The following STAT1 variants were observed in gnomAD, a reference collection of about 807,000 sequenced individuals.
The protein encoded by STAT1 is signal transducer and activator of transcription 1, also known as signal transducer and activator of transcription 1-alpha/beta.
Under a neutral mutation model 111.7 loss-of-function variants are expected in STAT1, and 24 were observed. The ratio of observed to expected loss-of-function variants is 0.21; its 90% CI spans 0.16 to 0.30. The LOEUF (loss-of-function observed/expected upper bound fraction) is 0.30, where lower values mean the gene tolerates loss of function less well. Among genes scored for constraint, STAT1 ranks in the 10% least tolerant of loss-of-function variants. The probability of loss-of-function intolerance (pLI) is 1.00; values close to 1 mark genes in which losing one functional copy is unlikely to be tolerated. For synonymous variants in STAT1, 332 were observed against 326.5 expected, an observed-to-expected ratio of 1.02 and a Z score of -0.18; for missense variants, 351 against 911.9, an observed-to-expected ratio of 0.38 and a Z score of 7.92.
Position 190,979,550 on chromosome 2 carries a change from T to C in STAT1, c.1727+222A>G, listed in dbSNP as rs1488248089. Among the ~76,000 whole-genome samples the C allele has an allele frequency of 6.6e-6, 1 of 152,204 alleles. No individual in the cohort carries two copies. Among genetic ancestry groups the C allele is most frequent in the Admixed American group, 6.5e-5 (1 of 15,288 alleles). On this transcript the variant is annotated intron_variant, in intron 20 of 24. Coordinates refer to ENST00000361099, the MANE Select transcript of STAT1 (RefSeq NM_007315.4). The surrounding 1 kb of genome is among the most constrained non-coding windows in gnomAD (Gnocchi z 5.8). Reference sequence around the variant, plus strand: ...GAATGGCACTCAAGAGTTGTTTTTTTTTTTTAATTTAGCTTTGCCAATACA... The same window carrying C: ...GAATGGCACTCAAGAGTTGTTTTTTCTTTTTAATTTAGCTTTGCCAATACA...
rs1574645463 is a variant in STAT1 at position 190,983,814 on chromosome 2, C to T, written c.1348-74G>A. On this transcript the variant is annotated intron_variant, in intron 16 of 24. Coordinates refer to ENST00000361099, the MANE Select transcript of STAT1 (RefSeq NM_007315.4). The surrounding 1 kb of genome is among the most constrained non-coding windows in gnomAD (Gnocchi z 5.7). ...CCTTCAGATAACTGCTTAGCCTCAA[C>T]TAAAAGCAGGGGATTATTTGTAAAT... 3.2e-6 allele frequency: 4 copies of T among 1,238,606 alleles called. No individual in the cohort carries two copies. Among genetic ancestry groups the T allele is most frequent in the South Asian group, 1.2e-5 (1 of 83,290 alleles). 76.7% of individuals were successfully genotyped at this position (1,238,606 alleles called of 1,614,324 possible).
In STAT1 at chr2:190,999,550, AGT is replaced by A; in HGVS notation, c.541+74_541+75del. ...ATAAAATACTCGGCAAATAGAAAGGAGTAATCATCTTCGTTATCTAGTGTGAA... is the reference window on the plus strand; with the variant it reads ...ATAAAATACTCGGCAAATAGAAAGGAAATCATCTTCGTTATCTAGTGTGAA... On this transcript the variant is annotated intron_variant, in intron 7 of 24. Transcript: ENST00000361099. This position sits in a 1 kb window ranked among gnomAD's most constrained non-coding sequence, Gnocchi z 4.1. 2.1e-6 allele frequency: 2 copies of A among 972,464 alleles called. No homozygotes were observed. The highest frequency in any genetic ancestry group is 3.5e-5 in the Admixed American group (2 of 57,328). The allele number at this position is 972,464 out of a possible 1,614,324, so 60.2% of individuals were successfully genotyped here. A position where few individuals can be genotyped will look rare whatever the true frequency, so the allele number is the denominator to read the frequency against.
At position 190,970,593 on chromosome 2, in the gene STAT1, C is replaced by A. The variant is rs1691378212; in HGVS notation, c.*110G>T. ...CAACAGGTTGCAGCGAATTTGCTGGCCTTTCTTTCATTTCCCTAGAAACAC... is the reference window on the plus strand; with the variant it reads ...CAACAGGTTGCAGCGAATTTGCTGGACTTTCTTTCATTTCCCTAGAAACAC... On this transcript the variant is annotated 3_prime_UTR_variant, in exon 25 of 25. Transcript: ENST00000361099. The surrounding 1 kb of genome is among the most constrained non-coding windows in gnomAD (Gnocchi z 5.4). The A allele has an allele frequency of 1.5e-6, 2 of 1,296,232 alleles. No individual in the cohort carries two copies. The highest frequency in any genetic ancestry group is 2.3e-5 in the East Asian group (1 of 42,742). The allele number at this position is 1,296,232 out of a possible 1,614,324, so 80.3% of individuals were successfully genotyped here. A position where few individuals can be genotyped will look rare whatever the true frequency, so the allele number is the denominator to read the frequency against.
chr2:190,990,132 G>C lies in STAT1; in HGVS notation c.1038-458C>G, dbSNP rs1693202027. Among the ~76,000 whole-genome samples the C allele has an allele frequency of 6.6e-6, 1 of 152,178 alleles. No homozygotes were observed. Among genetic ancestry groups the C allele is most frequent in the Non-Finnish European group, 1.5e-5 (1 of 68,026 alleles). On this transcript the variant is annotated intron_variant, in intron 11 of 24. Transcript: ENST00000361099. This position sits in a 1 kb window ranked among gnomAD's most constrained non-coding sequence, Gnocchi z 5.1. ...CAGAAAAAATAGCGTCCCATCTATA[G>C]TCACCCCAGGGTAGCATGGAAAGAT... is the stretch of plus-strand genomic sequence containing the variant.
chr2:190,972,327 A>G (rs1691551456), intron 24 of STAT1, among the ~76,000 whole-genome samples: 1 of 152,266 alleles, frequency 6.6e-6, no homozygotes, highest in South Asian at 2.1e-4. Flanking sequence ...CTTGGAGAGT[A>G]GACTGGTTCT....
rs549951933 is a variant in STAT1, at chr2:190,979,680, G to A, written c.1727+92C>T. 5 of 1,011,774 alleles carry A rather than the reference G, an allele frequency of 4.9e-6. No individual in the cohort carries two copies. Among genetic ancestry groups the A allele is most frequent in the South Asian group, 2.6e-5 (2 of 77,692 alleles). The allele number at this position is 1,011,774 out of a possible 1,614,324, so 62.7% of individuals were successfully genotyped here. A position where few individuals can be genotyped will look rare whatever the true frequency, so the allele number is the denominator to read the frequency against. ...GCGCACTCCTGTGAGATTCACACAC[G>A]CCTAGTCAAATACTGAAGCTGGACT... is the stretch of plus-strand genomic sequence containing the variant. On this transcript the variant is annotated intron_variant, in intron 20 of 24. Transcript: ENST00000361099. This position sits in a 1 kb window ranked among gnomAD's most constrained non-coding sequence, Gnocchi z 5.8.
chr2:191,012,316 T>C lies in STAT1; in HGVS notation c.-2+1209A>G. On this transcript the variant is annotated intron_variant, in intron 2 of 24. Coordinates refer to ENST00000361099, the MANE Select transcript of STAT1 (RefSeq NM_007315.4). The surrounding 1 kb of genome is among the most constrained non-coding windows in gnomAD (Gnocchi z 4.0). The stretch of plus-strand genomic sequence containing the variant: ...CTGTAGTCCCAACTACTCGTGAGGC[T>C]GAGGCAGGGGAATTGCTTGAACCCA... Among the ~76,000 whole-genome samples the C allele has an allele frequency of 6.6e-6, 1 of 151,738 alleles. No homozygotes were observed. Among genetic ancestry groups the C allele is most frequent in the Middle Eastern group, 3.2e-3 (1 of 316 alleles).
intron 10 of STAT1, chr2:190,992,824 C>T: frequency 1.1e-5 from 4 of 371,670 alleles, no homozygotes; most frequent in Non-Finnish European, 9.0e-6. Context: ...GAGTCTTGCT[C>T]CGTCTCCTAG....
chr2:190,992,567 C>A (rs1574654692), intron 10 of STAT1: 3 of 445,742 alleles, frequency 6.7e-6, no homozygotes, highest in Non-Finnish European at 1.1e-5. Flanking sequence ...CAGTACAATT[C>A]AGGCAATTTT....
chr2:191,007,331 C>G lies in STAT1; in HGVS notation c.372+232G>C, dbSNP rs1378254283. Among the ~76,000 whole-genome samples, 1 of 152,212 alleles carries G rather than the reference C, an allele frequency of 6.6e-6. No homozygotes were observed. Among genetic ancestry groups the G allele is most frequent in the Non-Finnish European group, 1.5e-5 (1 of 68,046 alleles). On this transcript the variant is annotated intron_variant, in intron 5 of 24. Coordinates refer to ENST00000361099, the MANE Select transcript of STAT1 (RefSeq NM_007315.4). This position sits in a 1 kb window ranked among gnomAD's most constrained non-coding sequence, Gnocchi z 4.2. The stretch of plus-strand genomic sequence containing the variant: ...TATCTTCTCAGCACTTTATGCTACC[C>G]AGAAGTATCTTGTTTATATGTTCTC...
Position 190,976,749 on chromosome 2 carries a change from G to A in STAT1, c.2059+91C>T, listed in dbSNP as rs2124999574. The A allele has an allele frequency of 8.4e-7, 1 of 1,184,092 alleles. No individual in the cohort carries two copies. The highest frequency in any genetic ancestry group is 1.3e-6 in the Non-Finnish European group (1 of 793,646). 73.3% of individuals were successfully genotyped at this position (1,184,092 alleles called of 1,614,324 possible). A position where few individuals can be genotyped will look rare whatever the true frequency, so the allele number is the denominator to read the frequency against. ...AAAGCCTACTCTTACCAATTCGAAA[G>A]CAAAACACTGCATGGGTGGAGTTTC... On this transcript the variant is annotated intron_variant, in intron 22 of 24. Coordinates refer to ENST00000361099, the MANE Select transcript of STAT1 (RefSeq NM_007315.4). This position sits in a 1 kb window ranked among gnomAD's most constrained non-coding sequence, Gnocchi z 6.0.
intron 12 of STAT1, among the ~76,000 whole-genome samples, chr2:190,988,834 T>C (rs1256394011): frequency 1.3e-5 from 2 of 149,304 alleles, no homozygotes; most frequent in Non-Finnish European, 2.9e-5. Flanking sequence ...ATGATCTGAA[T>C]GATCATAAAT....
Position 190,975,635 on chromosome 2 carries a change from T to C in STAT1, c.2135+177A>G, listed in dbSNP as rs1691847541. 1.7e-5 allele frequency: 25 copies of C among 1,445,868 alleles called. No individual in the cohort carries two copies. The South Asian group carries it at 3.6e-4, about 21-fold the overall frequency. 89.6% of individuals were successfully genotyped at this position (1,445,868 alleles called of 1,614,324 possible). A position where few individuals can be genotyped will look rare whatever the true frequency, so the allele number is the denominator to read the frequency against. ...CAAATTTGGTTTTTGGCTTTTTTTT[T>C]TTTTTTAAAGTAGTAAAATGCTGAT... is the stretch of plus-strand genomic sequence containing the variant. On this transcript the variant is annotated intron_variant, in intron 23 of 24. Transcript: ENST00000361099. The surrounding 1 kb of genome is among the most constrained non-coding windows in gnomAD (Gnocchi z 5.9).
Position 190,983,882 on chromosome 2 carries a change from G to T in STAT1, c.1348-142C>A. Reference sequence around the variant, plus strand: ...TTGAAAATGAGAAGTGTTAAGTTCTGTTCTTCTGTCCAGTTTAACTTGTCT... The same window carrying T: ...TTGAAAATGAGAAGTGTTAAGTTCTTTTCTTCTGTCCAGTTTAACTTGTCT... On this transcript the variant is annotated intron_variant, in intron 16 of 24. Coordinates refer to ENST00000361099, the MANE Select transcript of STAT1 (RefSeq NM_007315.4). This position sits in a 1 kb window ranked among gnomAD's most constrained non-coding sequence, Gnocchi z 5.7. The T allele has an allele frequency of 1.3e-6, 1 of 751,962 alleles. No homozygotes were observed. Among genetic ancestry groups the T allele is most frequent in the Non-Finnish European group, 2.3e-6 (1 of 432,034 alleles). The allele number at this position is 751,962 out of a possible 1,614,324, so 46.6% of individuals were successfully genotyped here. A position where few individuals can be genotyped will look rare whatever the true frequency, so the allele number is the denominator to read the frequency against.
At chr2:191,009,580 A>G (rs911040178) in intron 3 of STAT1, among the ~76,000 whole-genome samples, 1 of 152,224 alleles carries the variant, frequency 6.6e-6, no homozygotes, top group African/African-American at 2.4e-5. Context: ...CTAAGTTGGA[A>G]AATAATCGGT....
At position 190,970,046 on chromosome 2, in the gene STAT1, A is replaced by C. The variant is rs1691334144; in HGVS notation, c.*657T>G. ...CTAGTGTCATTAAGCCATAACAAACAGTAAAGCTAATATTCTCTTCTCAAG... is the reference window on the plus strand; with the variant it reads ...CTAGTGTCATTAAGCCATAACAAACCGTAAAGCTAATATTCTCTTCTCAAG... On this transcript the variant is annotated 3_prime_UTR_variant, in exon 25 of 25. Transcript: ENST00000361099. The surrounding 1 kb of genome is among the most constrained non-coding windows in gnomAD (Gnocchi z 5.4). 1 of 157,308 alleles carries C rather than the reference A, an allele frequency of 6.4e-6. No individual in the cohort carries two copies. Among genetic ancestry groups the C allele is most frequent in the African/African-American group, 2.4e-5 (1 of 41,470 alleles). 9.7% of individuals were successfully genotyped at this position (157,308 alleles called of 1,614,324 possible).
intron 10 of STAT1, among the ~76,000 whole-genome samples, chr2:190,994,266 G>A (rs1046104056): frequency 4.6e-5 from 7 of 152,162 alleles, no homozygotes; most frequent in African/African-American, 1.4e-4. Flanking sequence ...CGTGAAGCGT[G>A]GAGTGTTCAG....
chr2:190,987,737 G>A lies in STAT1; in HGVS notation c.1098-669C>T, dbSNP rs369563677. Among the ~76,000 whole-genome samples, 63 of 152,322 alleles carry A rather than the reference G, an allele frequency of 4.1e-4. No homozygotes were observed. The South Asian group carries it at 0.011, about 26-fold the overall frequency. ...AAATAATGTATCCGTGAGCGTCCTA[G>A]ATGTAGACTAGAAATCATGGGCTCA... is the stretch of plus-strand genomic sequence containing the variant. On this transcript the variant is annotated intron_variant, in intron 12 of 24. Coordinates refer to ENST00000361099, the MANE Select transcript of STAT1 (RefSeq NM_007315.4). This position sits in a 1 kb window ranked among gnomAD's most constrained non-coding sequence, Gnocchi z 4.0.
At chr2:190,991,607 C>T (rs993895949) in intron 10 of STAT1, among the ~76,000 whole-genome samples, 8 of 152,066 alleles carry the variant, frequency 5.3e-5, no homozygotes, top group Non-Finnish European at 8.8e-5. Flanking sequence ...GTCTGTAATC[C>T]CAGCACTTTA....
Sources: gnomAD v4.1 joint callset for allele counts (sites outside exome capture counted in the v4.1 genomes callset) on GRCh38, gnomAD v4.1.1 for gene constraint, Gnocchi (gnomAD v3.1) non-coding constraint, MANE v1.5 for transcripts, NCBI Gene and HGNC (gene_info 2026-07-23, HGNC 2026-07-21) for gene names.